ATP6V0A4: variants seen among roughly 807,000 people sequenced by gnomAD.
ATP6V0A4 encodes V-type proton ATPase 116 kDa subunit a 4.
In ATP6V0A4, 86 loss-of-function variants were observed where a neutral mutation model predicts 107.3. The ratio of observed to expected loss-of-function variants is 0.80; its 90% confidence interval spans 0.67 to 0.96. ATP6V0A4 has a LOEUF of 0.96. Ranked by LOEUF, ATP6V0A4 falls within the 40% of genes least tolerant of loss-of-function variation. The pLI is 0.00. For synonymous variants in ATP6V0A4, 353 were observed against 381.4 expected, an observed-to-expected ratio of 0.93 and a Z score of 0.87; for missense variants, 908 against 1,045.6, an observed-to-expected ratio of 0.87 and a Z score of 1.81.
chr7:138,734,427 A>C (rs1805200458), intron 15 of ATP6V0A4, 173 bp from the exon 16 acceptor site: 1 of 543,800 alleles, frequency 1.8e-6, no homozygotes, highest in African/African-American at 2.1e-5. Flanking sequence ...AAAGGATGAA[A>C]CCCTTTATAA....
intron 13 of ATP6V0A4, 67 bp from the exon 14 acceptor site, chr7:138,745,347 T>A: frequency 6.2e-7 from 1 of 1,608,694 alleles, no homozygotes; most frequent in Non-Finnish European, 8.5e-7. Context: ...AGGGAAGCGT[T>A]CTACAGGATA....
chr7:138,773,142 T>C lies in ATP6V0A4; in HGVS notation c.-17-1878A>G, dbSNP rs2117342821. ...TGTGCTCGATACTGGGCCTACCCATTGTCCCAGTTTCACACAGGACCAACT... is the reference window on the plus strand; with the variant it reads ...TGTGCTCGATACTGGGCCTACCCATCGTCCCAGTTTCACACAGGACCAACT... On this transcript the variant is annotated intron_variant, in intron 2 of 21. Coordinates refer to ENST00000310018, the MANE Select transcript of ATP6V0A4 (RefSeq NM_020632.3). The surrounding 1 kb of genome is among the most constrained non-coding windows in gnomAD (Gnocchi z 5.4). Among the ~76,000 whole-genome samples the C allele has an allele frequency of 6.6e-6, 1 of 152,280 alleles. No individual in the cohort carries two copies. Among genetic ancestry groups the C allele is most frequent in the Middle Eastern group, 3.4e-3 (1 of 294 alleles).
At chr7:138,752,581 G>C in intron 11 of ATP6V0A4, 44 bp downstream of exon 11, 1 of 1,608,892 alleles carries the variant, frequency 6.2e-7, no homozygotes, top group South Asian at 1.1e-5. Context: ...GCCCAGCAGA[G>C]GGGCTGACTC....
chr7:138,732,174 T>C (rs1361359961), intron 17 of ATP6V0A4, among the ~76,000 whole-genome samples: 3 of 152,190 alleles, frequency 2.0e-5, no homozygotes. Flanking sequence ...TTATTATTCT[T>C]GTTAATTTAG....
intron 3 of ATP6V0A4, 156 bp from the exon 4 acceptor site, chr7:138,769,407 T>C: frequency 1.3e-6 from 1 of 741,646 alleles, no homozygotes; most frequent in Non-Finnish European, 1.6e-6. Context: ...CTCCACCTCC[T>C]GGGTTCAAGT....
chr7:138,712,922 A>T (rs73166927), intron 20 of ATP6V0A4, among the ~76,000 whole-genome samples: 1 of 152,116 alleles, frequency 6.6e-6, no homozygotes, highest in African/African-American at 2.4e-5. Context: ...CGAAGCGCTG[A>T]GATCCACTCT....
At chr7:138,714,214 C>T (rs1355726194) in intron 20 of ATP6V0A4, among the ~76,000 whole-genome samples, 1 of 133,626 alleles carries the variant, frequency 7.5e-6, no homozygotes, top group African/African-American at 2.8e-5. Flanking sequence ...CCATCCTGGG[C>T]AACAGAGGGA....
intron 15 of ATP6V0A4, 96 bp from the exon 16 acceptor site, chr7:138,734,350 C>T: frequency 6.4e-7 from 1 of 1,571,952 alleles, no homozygotes; most frequent in Non-Finnish European, 8.7e-7. Flanking sequence ...AAGCAAACCG[C>T]TCTGGGAACT....
At position 138,759,898 on chromosome 7, in the gene ATP6V0A4, G is replaced by A. The variant is rs771602482; in HGVS notation, c.513-20C>T. 2 of 1,613,994 alleles carry A rather than the reference G, an allele frequency of 1.2e-6. No individual in the cohort carries two copies. Among genetic ancestry groups the A allele is most frequent in the South Asian group, 1.1e-5 (1 of 91,072 alleles). ...ATGAACCTAGGCAGCCAGAAGGGAA[G>A]ACATTCCTTAAGGCACAGGGATTGG... On this transcript the variant is annotated intron_variant, in intron 7 of 21. Transcript: ENST00000310018.
At chr7:138,718,262 G>A (rs1220726111) in intron 19 of ATP6V0A4, among the ~76,000 whole-genome samples, 3 of 68,208 alleles carry the variant, frequency 4.4e-5, no homozygotes, top group South Asian at 1.2e-3. Context: ...GGAGGGAGAC[G>A]TCCAGGAAGG....
At chr7:138,721,783 G>A in intron 19 of ATP6V0A4, 114 bp downstream of exon 19, 1 of 1,195,388 alleles carries the variant, frequency 8.4e-7, no homozygotes, top group Non-Finnish European at 1.2e-6. Context: ...ACTCAGCAGT[G>A]ACAGGGCTAC....
At chr7:138,730,341 AGTGTGT>A (rs369725759) in intron 17 of ATP6V0A4, among the ~76,000 whole-genome samples, 10,296 of 139,760 alleles carry the variant, frequency 0.074, 454 homozygotes, top group African/African-American at 0.14. Flanking sequence ...CAACGGGATG[AGTGTGT>A]GTGTGTGTGT....
intron 20 of ATP6V0A4, among the ~76,000 whole-genome samples, chr7:138,711,588 C>T (rs1329455940): frequency 2.0e-5 from 3 of 152,130 alleles, no homozygotes; most frequent in Non-Finnish European, 2.9e-5. Context: ...GGAAGAGGAC[C>T]CCTATTTGCT....
At chr7:138,729,265 C>T (rs1038634179) in intron 17 of ATP6V0A4, among the ~76,000 whole-genome samples, 3 of 152,240 alleles carry the variant, frequency 2.0e-5, no homozygotes, top group South Asian at 2.1e-4. Flanking sequence ...ACCAGTCACT[C>T]GGTGGTACTC....
intron 3 of ATP6V0A4, among the ~76,000 whole-genome samples, chr7:138,770,416 A>G (rs989019448): frequency 3.9e-5 from 6 of 152,186 alleles, no homozygotes; most frequent in Non-Finnish European, 7.3e-5. Context: ...CATGTAACGT[A>G]TCACAGTCAT....
chr7:138,713,118 G>A (rs182048202), intron 20 of ATP6V0A4, among the ~76,000 whole-genome samples: 2 of 150,590 alleles, frequency 1.3e-5, no homozygotes, highest in Non-Finnish European at 3.0e-5. Flanking sequence ...GTGAAACCCC[G>A]TCTCTACTGA....
chr7:138,759,941 C>T, intron 7 of ATP6V0A4, 63 bp from the exon 8 acceptor site: 1 of 1,611,700 alleles, frequency 6.2e-7, no homozygotes, highest in Non-Finnish European at 8.5e-7. Flanking sequence ...AGAGAAGGCC[C>T]TGTAGGACGT....
intron 17 of ATP6V0A4, among the ~76,000 whole-genome samples, chr7:138,731,505 CA>C (rs1380764737): frequency 6.6e-6 from 1 of 151,988 alleles, no homozygotes; most frequent in African/African-American, 2.4e-5. Context: ...TGGGAGAGGC[CA>C]GGGGGAAAAA....
chr7:138,751,764 G>C (rs1214377637), intron 11 of ATP6V0A4, among the ~76,000 whole-genome samples: 1 of 151,994 alleles, frequency 6.6e-6, no homozygotes, highest in Non-Finnish European at 1.5e-5. Context: ...TACATATTTT[G>C]GCTCTTATTA....
Sources: allele counts gnomAD v4.1 joint callset (sites outside exome capture counted in the v4.1 genomes callset), GRCh38; gene constraint gnomAD v4.1.1; non-coding constraint Gnocchi (gnomAD v3.1); transcripts MANE v1.5; gene names NCBI Gene and HGNC (gene_info 2026-07-23, HGNC 2026-07-21).